CBLB: variants seen among roughly 807,000 people sequenced by gnomAD.
The protein encoded by CBLB is E3 ubiquitin-protein ligase CBL-B.
CBLB carries 31 observed loss-of-function variants against 104.9 expected under a neutral mutation model. The ratio of observed to expected loss-of-function variants is 0.30; its 90% confidence interval spans 0.22 to 0.40. The LOEUF (loss-of-function observed/expected upper bound fraction) is 0.40. CBLB is among the 10% of genes least tolerant of loss of function. The pLI, the probability that CBLB is intolerant of heterozygous loss-of-function variation, is 1.00. For synonymous variants in CBLB, 440 were observed against 422.6 expected (o/e 1.04, Z -0.51); for missense variants, 1,062 against 1,214.6 (o/e 0.87, Z 1.87).
Position 105,659,020 on chromosome 3 carries a change from G to T in CBLB, c.2899C>A (p.Leu967Ile), listed in dbSNP as rs2063523729. 1.2e-6 allele frequency: 2 copies of T among 1,613,854 alleles called. No homozygotes were observed. The change falls in exon 19 of 19, where the codon CTC (leucine) becomes ATC (isoleucine). Residue 967 changes from leucine (L) to isoleucine (I), a missense_variant. Around this residue, in one of 2 missense-constraint regions of CBLB, gnomAD observed 605 missense variants for 582.6 expected, o/e 1.04. Coordinates refer to ENST00000394030, the MANE Select transcript of CBLB (RefSeq NM_170662.5). ...GGAGGAGGGAAGGCAAATTCTCGGAGGATGCTCCGGGCAACTTCGACATTA... is the reference window on the plus strand; with the variant it reads ...GGAGGAGGGAAGGCAAATTCTCGGATGATGCTCCGGGCAACTTCGACATTA... ...QNNVEVARSI[L>I]REFAFPPPVS...
At chr3:105,755,984 A>T (rs1052289647) in intron 4 of CBLB, among the ~76,000 whole-genome samples, 1 of 152,204 alleles carries the variant, frequency 6.6e-6, no homozygotes, top group Non-Finnish European at 1.5e-5. Context: ...TTATGATCCA[A>T]TGTTAAACTA....
intron 6 of CBLB, among the ~76,000 whole-genome samples, chr3:105,741,384 T>TTTG (rs1317231069): frequency 3.3e-5 from 5 of 151,178 alleles, no homozygotes; most frequent in African/African-American, 7.3e-5. Flanking sequence ...TTGTTGTTAT[T>TTTG]TTGTTGTTGT....
intron 16 of CBLB, chr3:105,681,239 T>C: frequency 3.5e-6 from 2 of 575,432 alleles, no homozygotes; most frequent in East Asian, 2.8e-5. Flanking sequence ...ACATTTAGTA[T>C]GGACAAAACA....
At chr3:105,802,303 T>C (rs979661617) in intron 3 of CBLB, among the ~76,000 whole-genome samples, 3 of 152,228 alleles carry the variant, frequency 2.0e-5, no homozygotes, top group African/African-American at 7.2e-5. Context: ...GTTTGCTTCT[T>C]AGTCTCACTA....
At chr3:105,713,651 T>G (rs1297543444) in intron 10 of CBLB, among the ~76,000 whole-genome samples, 1 of 152,192 alleles carries the variant, frequency 6.6e-6, no homozygotes, top group Non-Finnish European at 1.5e-5. Context: ...CAGTTGTTTC[T>G]TTTGCTAATC....
intron 2 of CBLB, among the ~76,000 whole-genome samples, chr3:105,866,349 G>A (rs2092426173): frequency 6.6e-6 from 1 of 152,170 alleles, no homozygotes; most frequent in African/African-American, 2.4e-5. Flanking sequence ...TCAAAGCAAA[G>A]ATGAATGTTA....
At chr3:105,682,538 T>C (rs572187213) in intron 14 of CBLB, among the ~76,000 whole-genome samples, 9 of 152,252 alleles carry the variant, frequency 5.9e-5, no homozygotes, top group African/African-American at 2.2e-4. Flanking sequence ...TGTGTGTATC[T>C]GTGTGTTGCA....
intron 18 of CBLB, among the ~76,000 whole-genome samples, chr3:105,661,376 T>C (rs1435173374): frequency 2.6e-5 from 4 of 152,210 alleles, no homozygotes; most frequent in African/African-American, 7.2e-5. Flanking sequence ...CAATAAATTA[T>C]GTTTTGCTTT....
At chr3:105,813,550 C>G (rs1045550499) in intron 3 of CBLB, among the ~76,000 whole-genome samples, 2 of 151,906 alleles carry the variant, frequency 1.3e-5, no homozygotes, top group Admixed American at 1.3e-4. Flanking sequence ...ACTAGTCTTT[C>G]AGTTGTCAAT....
intron 3 of CBLB, among the ~76,000 whole-genome samples, chr3:105,834,860 A>G (rs1425404926): frequency 6.6e-6 from 1 of 152,188 alleles, no homozygotes; most frequent in African/African-American, 2.4e-5. Flanking sequence ...GATACCCTAT[A>G]TTCTTCAGAA....
Position 105,753,750 on chromosome 3 carries a change from ATC to A in CBLB, c.567-2134_567-2133del, listed in dbSNP as rs148032268. On this transcript the variant is annotated intron_variant, in intron 4 of 18. Coordinates refer to ENST00000394030, the MANE Select transcript of CBLB (RefSeq NM_170662.5). Reference sequence around the variant, plus strand: ...AAAAGGCCAAATAGACATCTTCCACATCTGTTACTATAAAAATTATTCTAATC... The same window carrying A: ...AAAAGGCCAAATAGACATCTTCCACATGTTACTATAAAAATTATTCTAATC... 5.6e-3 allele frequency among the ~76,000 whole-genome samples: 849 copies of A among 152,336 alleles called. 13 individuals are homozygous for A. The highest frequency in any genetic ancestry group is 8.4e-3 in the Non-Finnish European group (574 of 68,018).
Position 105,786,066 on chromosome 3 carries a change from G to GGGC in CBLB, c.420-9525_420-9524insGCC, listed in dbSNP as rs1553794755. Among the ~76,000 whole-genome samples the GGGC allele has an allele frequency of 4.5e-3, 654 of 145,766 alleles. 33 individuals are homozygous for GGGC. The highest frequency in any genetic ancestry group is 7.0e-3 in the Non-Finnish European group (462 of 66,390). On this transcript the variant is annotated intron_variant, in intron 3 of 18. Coordinates refer to ENST00000394030, the MANE Select transcript of CBLB (RefSeq NM_170662.5). Reference sequence around the variant, plus strand: ...ATAACACTGTGTGAGAGGATCGGGGGGGGGAAAGTGGGTAAAATGAAAGTG... The same window carrying GGGC: ...ATAACACTGTGTGAGAGGATCGGGGGGGCGGGGAAAGTGGGTAAAATGAAAGTG...
chr3:105,855,081 A>G (rs1272208581), intron 2 of CBLB, among the ~76,000 whole-genome samples: 5 of 152,210 alleles, frequency 3.3e-5, no homozygotes, highest in African/African-American at 1.2e-4. Context: ...TGAGGCATAC[A>G]GTCACTCCTG....
In CBLB at chr3:105,838,638, C is replaced by T. The variant is rs543650893; in HGVS notation, c.419+14776G>A. Among the ~76,000 whole-genome samples the T allele has an allele frequency of 1.0e-4, 15 of 150,310 alleles. No individual in the cohort carries two copies. In the South Asian group the frequency reaches 1.1e-3, roughly 11 times the overall value. ...TTGCAATCCATCTTTTCCAACAAAA[C>T]TTTAAAAACCTTACAGAAATGTATC... On this transcript the variant is annotated intron_variant, in intron 3 of 18. Transcript: ENST00000394030.
At chr3:105,861,684 T>C (rs190297349) in intron 2 of CBLB, among the ~76,000 whole-genome samples, 8 of 145,018 alleles carry the variant, frequency 5.5e-5, no homozygotes, top group Admixed American at 2.1e-4. Flanking sequence ...TGTGCACACA[T>C]ACACACACAC....
At position 105,670,492 on chromosome 3, in the gene CBLB, T is replaced by C; in HGVS notation, c.2570-140A>G. On this transcript the variant is annotated intron_variant, in intron 17 of 18. Coordinates refer to ENST00000394030, the MANE Select transcript of CBLB (RefSeq NM_170662.5). ...TTAAATTCATGACTGATATTAACCA[T>C]TTTTTACTGCCTGCATATTTTCTAA... 4.5e-6 allele frequency: 3 copies of C among 667,702 alleles called. No homozygotes were observed. In the South Asian group the frequency reaches 5.6e-5, roughly 12 times the overall value. 41.4% of individuals were successfully genotyped at this position (667,702 alleles called of 1,614,324 possible). A position where few individuals can be genotyped will look rare whatever the true frequency, so the allele number is the denominator to read the frequency against.
intron 10 of CBLB, among the ~76,000 whole-genome samples, chr3:105,711,043 C>T (rs1033534952): frequency 7.9e-5 from 12 of 151,798 alleles, no homozygotes; most frequent in African/African-American, 1.9e-4. Context: ...TTTATAAAAA[C>T]GTTAATAAGA....
At chr3:105,766,094 C>G (rs2078189823) in intron 4 of CBLB, among the ~76,000 whole-genome samples, 1 of 152,120 alleles carries the variant, frequency 6.6e-6, no homozygotes, top group Non-Finnish European at 1.5e-5. Context: ...ATGGATGACT[C>G]TGAGGATTTC....
chr3:105,738,898 T>G (rs543301067), intron 7 of CBLB, among the ~76,000 whole-genome samples: 1 of 152,030 alleles, frequency 6.6e-6, no homozygotes, highest in Non-Finnish European at 1.5e-5. Context: ...TTGAAAGGTT[T>G]TGTGTGTGTT....
Sources: gnomAD v4.1 joint callset for allele counts (sites outside exome capture counted in the v4.1 genomes callset) on GRCh38, gnomAD v4.1.1 for gene constraint, gnomAD v4.1.1 regional missense constraint, MANE v1.5 for transcripts, NCBI Gene and HGNC (gene_info 2026-07-23, HGNC 2026-07-21) for gene names.